Variants in CCDC66 observed in about 807,000 individuals in gnomAD.
CCDC66 encodes coiled-coil domain-containing protein 66.
A neutral mutation model predicts 128.3 loss-of-function variants in CCDC66; 133 were observed. That is an observed-to-expected ratio of 1.04 (90% CI 0.90 to 1.20). The LOEUF (loss-of-function observed/expected upper bound fraction) is 1.20. Among genes scored for constraint, CCDC66 ranks in the 50% most tolerant of loss-of-function variants. The pLI, the probability that CCDC66 is intolerant of heterozygous loss-of-function variation, is 0.00. For missense variants in CCDC66, 1,126 were observed against 1,075.5 expected, an observed-to-expected ratio of 1.05 and a Z score of -0.66; for synonymous variants, 387 against 357.0, an observed-to-expected ratio of 1.08 and a Z score of -0.95.
At chr3:56,606,124 A>C (rs2074035847) in intron 10 of CCDC66, among the ~76,000 whole-genome samples, 1 of 151,846 alleles carries the variant, frequency 6.6e-6, no homozygotes, top group African/African-American at 2.4e-5. Context: ...CCCTCACCCC[A>C]CCAAGCTTGA....
Position 56,621,552 on chromosome 3 carries a change from G to GGAGTT in CCDC66, c.2783_2787dup (p.Glu930SerfsTer9), listed in dbSNP as rs1166996928. On this transcript the variant is annotated frameshift_variant, in exon 18 of 18. Transcript: ENST00000394672. LOFTEE classifies it high-confidence loss of function. ...TTCAGGGCCTTCTCCAGAAGCAAAA[G>GGAGTT]GAGTTGGAAAGTAGTCTCCTGCCTT... is the stretch of plus-strand genomic sequence containing the variant. 6.9e-6 allele frequency: 11 copies of GGAGTT among 1,596,100 alleles called. No individual in the cohort carries two copies. The highest frequency in any genetic ancestry group is 2.2e-5 in the East Asian group (1 of 44,460).
rs540217450 is a variant in CCDC66, at chr3:56,557,225, A to G, written c.-18A>G. On this transcript the variant is annotated 5_prime_UTR_variant, in exon 1 of 18. Coordinates refer to ENST00000394672, the MANE Select transcript of CCDC66 (RefSeq NM_001141947.3). Reference sequence around the variant, plus strand: ...CAAGGGGCTTGAGCGTTCTGTGGAGAGAGTGCGAGGTCAGGCCATGAACTT... The same window carrying G: ...CAAGGGGCTTGAGCGTTCTGTGGAGGGAGTGCGAGGTCAGGCCATGAACTT... 3.2e-6 allele frequency: 5 copies of G among 1,549,720 alleles called. No homozygotes were observed. The highest frequency in any genetic ancestry group is 2.5e-5 in the East Asian group (1 of 40,788).
chr3:56,567,457 G>A (rs947845923), intron 6 of CCDC66, among the ~76,000 whole-genome samples: 2 of 152,184 alleles, frequency 1.3e-5, no homozygotes, highest in African/African-American at 2.4e-5. Context: ...CGTCCCCTTT[G>A]CCCTCTGGAG....
chr3:56,572,688 A>C (rs956703135), intron 7 of CCDC66: 6 of 165,468 alleles, frequency 3.6e-5, no homozygotes, highest in Admixed American at 3.1e-4. Flanking sequence ...AATTTTTGGC[A>C]CTATGGCCTA....
At chr3:56,584,898 C>T (rs1350176100) in intron 7 of CCDC66, among the ~76,000 whole-genome samples, 4 of 151,918 alleles carry the variant, frequency 2.6e-5, no homozygotes, top group African/African-American at 4.8e-5. Context: ...CAGACCAGCC[C>T]GGCCAGCATA....
Position 56,558,831 on chromosome 3 carries a change from C to CT in CCDC66, c.12-8dup, listed in dbSNP as rs2064720775. On this transcript the variant is annotated splice_polypyrimidine_tract_variant and intron_variant, in intron 1 of 17. Transcript: ENST00000394672. Reference sequence around the variant, plus strand: ...TTTGTTAAAAATGAGAGACAACTTTCTTTTTTTATTACAGAGATGGTTTAA... The same window carrying CT: ...TTTGTTAAAAATGAGAGACAACTTTCTTTTTTTTATTACAGAGATGGTTTAA... 1.0e-5 allele frequency: 16 copies of CT among 1,534,714 alleles called. No individual in the cohort carries two copies. The highest frequency in any genetic ancestry group is 1.4e-5 in the Non-Finnish European group (16 of 1,133,476).
intron 10 of CCDC66, among the ~76,000 whole-genome samples, chr3:56,602,530 G>A (rs950582560): frequency 2.0e-5 from 3 of 152,042 alleles, no homozygotes; most frequent in South Asian, 4.1e-4. Flanking sequence ...TCTATTGATT[G>A]GAATAGTTTC....
intron 10 of CCDC66, among the ~76,000 whole-genome samples, chr3:56,602,326 G>C (rs2073316424): frequency 6.6e-6 from 1 of 152,066 alleles, no homozygotes; most frequent in Admixed American, 6.6e-5. Context: ...AAGCCAACTT[G>C]ATCGTGCTGG....
intron 14 of CCDC66, chr3:56,617,852 A>G (rs2075714096): frequency 3.5e-6 from 2 of 573,682 alleles, no homozygotes; most frequent in East Asian, 5.9e-5. Flanking sequence ...CAGAAACAAT[A>G]TGGCCCACAA....
chr3:56,557,166 G>C, upstream of CCDC66: 3 of 1,543,744 alleles, frequency 1.9e-6, no homozygotes, highest in Non-Finnish European at 2.6e-6. Context: ...AATTGGCGTA[G>C]CGCTTGCTGA....
chr3:56,617,419 A>G lies in CCDC66; in HGVS notation c.2151A>G (p.Glu717=), dbSNP rs375229426. Residue 717 remains glutamate, a synonymous_variant, in exon 14 of 18, where the codon GAA becomes GAG. Coordinates refer to ENST00000394672, the MANE Select transcript of CCDC66 (RefSeq NM_001141947.3). The part of the protein sequence containing the change: ...KPPKRYIPAS[E]KYPKQLQKQR... ...CTAAAAGGTATATTCCAGCATCAGA[A>G]AAGTACCCTAAACAGCTTCAAAAGC... 4.3e-6 allele frequency: 7 copies of G among 1,614,126 alleles called. No individual in the cohort carries two copies. The highest frequency in any genetic ancestry group is 2.2e-5 in the South Asian group (2 of 91,070).
chr3:56,561,730 T>A (rs2065124515), intron 3 of CCDC66, among the ~76,000 whole-genome samples: 1 of 152,226 alleles, frequency 6.6e-6, no homozygotes, highest in Non-Finnish European at 1.5e-5. Context: ...TCTTCCTTTT[T>A]TGTTTTGTTT....
intron 10 of CCDC66, among the ~76,000 whole-genome samples, chr3:56,602,439 G>T (rs1367452852): frequency 6.6e-6 from 1 of 151,660 alleles, no homozygotes; most frequent in Non-Finnish European, 1.5e-5. Context: ...CTCTTTTTTT[G>T]TTGTTGTTGT....
chr3:56,566,988 T>A lies in CCDC66; in HGVS notation c.749T>A (p.Leu250Gln), dbSNP rs748034430. 2.5e-6 allele frequency: 4 copies of A among 1,614,122 alleles called. No homozygotes were observed. Among genetic ancestry groups the A allele is most frequent in the Non-Finnish European group, 3.4e-6 (4 of 1,179,990 alleles). ...EWKPADIFSTLGERECDRSSL... is the reference protein window; with the variant it reads ...EWKPADIFSTQGERECDRSSL... ...AAACCAGCTGATATATTCAGTACTC[T>A]GGGGGAAAGGGAATGTGATAGAAGT... Residue 250 changes from leucine (L) to glutamine (Q), a missense_variant, in exon 6 of 18, where the codon CTG becomes CAG. By Grantham distance (113) the Leu-to-Gln change is moderately radical. Transcript: ENST00000394672.
At position 56,617,556 on chromosome 3, in the gene CCDC66, C is replaced by G; in HGVS notation, c.2288C>G (p.Ser763Ter). 2 of 1,609,798 alleles carry G rather than the reference C, an allele frequency of 1.2e-6. No individual in the cohort carries two copies. The highest frequency in any genetic ancestry group is 1.7e-6 in the Non-Finnish European group (2 of 1,179,026). ...GGCATTTCACCAGAAATTTTTCATT[C>G]ATCTCATCAAGAAACGGAGTCAAAG... is the stretch of plus-strand genomic sequence containing the variant. ...NRGISPEIFHSSHQETESKLR... is the reference protein window; with the variant it reads ...NRGISPEIFH The change falls in exon 14 of 18, where the codon TCA (serine) becomes TGA (stop). Residue 763 changes from serine to a stop codon, truncating the protein, a stop_gained. Coordinates refer to ENST00000394672, the MANE Select transcript of CCDC66 (RefSeq NM_001141947.3). LOFTEE classifies it high-confidence loss of function.
At chr3:56,578,861 C>T (rs1012353359) in intron 7 of CCDC66, among the ~76,000 whole-genome samples, 2 of 151,758 alleles carry the variant, frequency 1.3e-5, no homozygotes, top group African/African-American at 2.4e-5. Flanking sequence ...GGATATTGGT[C>T]TAAAATTCTC....
intron 17 of CCDC66, 43 bp from the exon 18 acceptor site, chr3:56,621,489 G>T (rs200563279): frequency 1.2e-5 from 14 of 1,185,544 alleles, no homozygotes; most frequent in Non-Finnish European, 1.6e-5. Flanking sequence ...TGCAAGTCAG[G>T]TGTGCACATT....
chr3:56,561,914 G>A (rs1324197422), intron 3 of CCDC66, among the ~76,000 whole-genome samples: 1 of 151,884 alleles, frequency 6.6e-6, no homozygotes, highest in Non-Finnish European at 1.5e-5. Context: ...CCCACTGGTT[G>A]AATTATTGTA....
chr3:56,574,817 T>C (rs562783326), intron 7 of CCDC66, among the ~76,000 whole-genome samples: 1 of 151,950 alleles, frequency 6.6e-6, no homozygotes, highest in South Asian at 2.1e-4. Flanking sequence ...ACTGGCTTAT[T>C]TCACTTAGCA....
Sources: allele counts gnomAD v4.1 joint callset (sites outside exome capture counted in the v4.1 genomes callset), GRCh38; gene constraint gnomAD v4.1.1; transcripts MANE v1.5; gene names NCBI Gene and HGNC (gene_info 2026-07-23, HGNC 2026-07-21).